The following NFIX variants were observed in gnomAD, a reference collection of about 807,000 sequenced individuals.
NFIX encodes the protein nuclear factor I X.
In NFIX, 2 loss-of-function variants were observed where a neutral mutation model predicts 53.3. That is an observed-to-expected ratio of 0.04 (90% CI 0.02 to 0.12). The LOEUF is 0.12. Ranked by LOEUF, NFIX falls within the 10% of genes least tolerant of loss-of-function variation. NFIX has a pLI of 1.00. For missense variants in NFIX, 310 were observed against 674.5 expected, an observed-to-expected ratio of 0.46 and a Z score of 5.99; for synonymous variants, 244 against 289.0, an observed-to-expected ratio of 0.84 and a Z score of 1.58.
Position 13,094,979 on chromosome 19 carries a change from C to A in NFIX, c.*330C>A. 3.3e-6 allele frequency: 1 copy of A among 305,380 alleles called. No homozygotes were observed. Among genetic ancestry groups the A allele is most frequent in the Non-Finnish European group, 6.2e-6 (1 of 162,326 alleles). The allele number at this position is 305,380 out of a possible 1,614,324, so 18.9% of individuals were successfully genotyped here. A position where few individuals can be genotyped will look rare whatever the true frequency, so the allele number is the denominator to read the frequency against. On this transcript the variant is annotated 3_prime_UTR_variant, in exon 11 of 11. Transcript: ENST00000592199. This position sits in a 1 kb window ranked among gnomAD's most constrained non-coding sequence, Gnocchi z 4.3. ...AGAACTGCCTTCCTCCCCCTGACCC[C>A]GCCCCGGCCTTCTGGGGAAGGAACA... is the stretch of plus-strand genomic sequence containing the variant.
chr19:13,018,093 TA>T (rs1362327020), intron 1 of NFIX, among the ~76,000 whole-genome samples: 9 of 152,070 alleles, frequency 5.9e-5, no homozygotes, highest in African/African-American at 1.9e-4. Context: ...AATTAAAGAG[TA>T]GGATTTTTGT....
rs535002028 is a variant in NFIX, at chr19:13,094,086, G to A, written c.1495-549G>A. On this transcript the variant is annotated intron_variant, in intron 10 of 10. Coordinates refer to ENST00000592199, the MANE Select transcript of NFIX (RefSeq NM_001365902.3). This position sits in a 1 kb window ranked among gnomAD's most constrained non-coding sequence, Gnocchi z 4.3. ...CTACGTGGCCCCTCCCCCAGGCCTG[G>A]CGCTACTAGGGACTGAAGCTGTGTG... 6.6e-6 allele frequency among the ~76,000 whole-genome samples: 1 copy of A among 152,306 alleles called. No individual in the cohort carries two copies. Among genetic ancestry groups the A allele is most frequent in the South Asian group, 2.1e-4 (1 of 4,828 alleles).
chr19:13,078,949 G>A lies in NFIX; in HGVS notation c.1078+214G>A, dbSNP rs1016488996. Among the ~76,000 whole-genome samples the A allele has an allele frequency of 6.6e-6, 1 of 152,236 alleles. No individual in the cohort carries two copies. The highest frequency in any genetic ancestry group is 2.4e-5 in the African/African-American group (1 of 41,464). The stretch of plus-strand genomic sequence containing the variant: ...GGCCGGGCCCCTGGGCTGCCCACCT[G>A]GCTCCTGAGCAACCTCCCACTTCTC... On this transcript the variant is annotated intron_variant, in intron 7 of 10. Transcript: ENST00000592199. The surrounding 1 kb of genome is among the most constrained non-coding windows in gnomAD (Gnocchi z 4.7).
rs1296086302 is a variant in NFIX, at chr19:13,001,594, A to G, written c.27+5730A>G. Among the ~76,000 whole-genome samples the G allele has an allele frequency of 6.6e-6, 1 of 152,140 alleles. No individual in the cohort carries two copies. Among genetic ancestry groups the G allele is most frequent in the Non-Finnish European group, 1.5e-5 (1 of 68,036 alleles). On this transcript the variant is annotated intron_variant, in intron 1 of 10. Transcript: ENST00000592199. The surrounding 1 kb of genome is among the most constrained non-coding windows in gnomAD (Gnocchi z 6.5). The stretch of plus-strand genomic sequence containing the variant: ...TTTCTGGGTGTCTGTGCGTCACGGC[A>G]AAGAGTGTATCCGTGTGTCTCACAC...
Position 13,095,887 on chromosome 19 carries a change from CTCTT to C in NFIX, c.*1240_*1243del, listed in dbSNP as rs2018418330. On this transcript the variant is annotated 3_prime_UTR_variant, in exon 11 of 11. Coordinates refer to ENST00000592199, the MANE Select transcript of NFIX (RefSeq NM_001365902.3). ...CTGGATTTTAGCTGTAATGTCTTTA[CTCTT>C]TATTTAGGGGTGGGGCATTCATTGT... The C allele has an allele frequency of 6.9e-6, 1 of 144,104 alleles. No individual in the cohort carries two copies. Among genetic ancestry groups the C allele is most frequent in the Non-Finnish European group, 1.5e-5 (1 of 66,180 alleles). The allele number at this position is 144,104 out of a possible 1,614,324, so 8.9% of individuals were successfully genotyped here.
rs1435247107 is a variant in NFIX, at chr19:13,045,963, C to T, written c.559+20411C>T. On this transcript the variant is annotated intron_variant, in intron 2 of 10. Transcript: ENST00000592199. This position sits in a 1 kb window ranked among gnomAD's most constrained non-coding sequence, Gnocchi z 4.4. ...AGAAATAGGAAGGGCTGACACTCTC[C>T]AGCTTCCATCTTGCAAGGACACAGG... is the stretch of plus-strand genomic sequence containing the variant. Among the ~76,000 whole-genome samples, 2 of 152,294 alleles carry T rather than the reference C, an allele frequency of 1.3e-5. No individual in the cohort carries two copies. The highest frequency in any genetic ancestry group is 1.9e-4 in the East Asian group (1 of 5,174).
Position 13,090,403 on chromosome 19 carries a change from G to A in NFIX, c.1494+13G>A, listed in dbSNP as rs1162244671. 6.2e-7 allele frequency: 1 copy of A among 1,612,160 alleles called. No homozygotes were observed. Among genetic ancestry groups the A allele is most frequent in the Non-Finnish European group, 8.5e-7 (1 of 1,178,352 alleles). ...ACAGCAGTCTCAGGTAGGAGACCCT[G>A]CCCACCACCTGGATGCAGGGACCAG... On this transcript the variant is annotated intron_variant, in intron 10 of 10. Coordinates refer to ENST00000592199, the MANE Select transcript of NFIX (RefSeq NM_001365902.3). The surrounding 1 kb of genome is among the most constrained non-coding windows in gnomAD (Gnocchi z 6.6).
At chr19:13,075,395 T>C (rs1414662301) in intron 5 of NFIX, 140 bp from the exon 6 acceptor site, 13 of 877,236 alleles carry the variant, frequency 1.5e-5, no homozygotes, top group Non-Finnish European at 2.2e-5. Context: ...ACGCAGTGAG[T>C]GCCCAGAAAT....
intron 6 of NFIX, among the ~76,000 whole-genome samples, chr19:13,076,973 C>T (rs750557949): frequency 8.5e-5 from 13 of 152,112 alleles, no homozygotes; most frequent in African/African-American, 2.2e-4. Context: ...AGGCTCTCCT[C>T]GTGGCAGGCA....
In NFIX at chr19:13,013,853, C is replaced by T. The variant is rs2012512946; in HGVS notation, c.28-11168C>T. The T allele has an allele frequency of 6.6e-6, 1 of 152,156 alleles. No homozygotes were observed. The highest frequency in any genetic ancestry group is 2.1e-4 in the South Asian group (1 of 4,832). The allele number at this position is 152,156 out of a possible 1,614,324, so 9.4% of individuals were successfully genotyped here. On this transcript the variant is annotated intron_variant, in intron 1 of 10. Coordinates refer to ENST00000592199, the MANE Select transcript of NFIX (RefSeq NM_001365902.3). The surrounding 1 kb of genome is among the most constrained non-coding windows in gnomAD (Gnocchi z 5.9). ...TCTAGTAGACCCTGGCGTGGGGCAC[C>T]TGAGATCTCCGCCACTGAAAAGGCG...
At chr19:13,058,953 A>G (rs961135046) in intron 2 of NFIX, among the ~76,000 whole-genome samples, 22 of 151,296 alleles carry the variant, frequency 1.5e-4, no homozygotes, top group Admixed American at 7.9e-4. Context: ...GTAGGTCCCC[A>G]CTCTTCCCCG....
At position 13,089,994 on chromosome 19, in the gene NFIX, C is replaced by T. The variant is rs1202880886; in HGVS notation, c.1403-305C>T. ...CTTGTCTCAGCCTCCAGGGCCTCTCCCTCATCCCAGCTGTGAAAAAGGATG... is the reference window on the plus strand; with the variant it reads ...CTTGTCTCAGCCTCCAGGGCCTCTCTCTCATCCCAGCTGTGAAAAAGGATG... On this transcript the variant is annotated intron_variant, in intron 9 of 10. Coordinates refer to ENST00000592199, the MANE Select transcript of NFIX (RefSeq NM_001365902.3). This position sits in a 1 kb window ranked among gnomAD's most constrained non-coding sequence, Gnocchi z 4.8. Among the ~76,000 whole-genome samples, 1 of 152,176 alleles carries T rather than the reference C, an allele frequency of 6.6e-6. No homozygotes were observed. Among genetic ancestry groups the T allele is most frequent in the African/African-American group, 2.4e-5 (1 of 41,432 alleles).
intron 2 of NFIX, among the ~76,000 whole-genome samples, chr19:13,031,358 G>T (rs2013791155): frequency 1.3e-5 from 2 of 152,038 alleles, no homozygotes; most frequent in African/African-American, 4.8e-5. Context: ...CATAATTATG[G>T]GCATGGTGAC....
intron 8 of NFIX, among the ~76,000 whole-genome samples, chr19:13,086,961 G>A (rs566547896): frequency 1.2e-4 from 18 of 152,336 alleles, no homozygotes; most frequent in Non-Finnish European, 2.1e-4. Context: ...TCTCGCATCC[G>A]GGTGCCCGGA....
chr19:13,046,473 C>A (rs553786052), intron 2 of NFIX, among the ~76,000 whole-genome samples: 10 of 152,224 alleles, frequency 6.6e-5, no homozygotes, highest in East Asian at 3.9e-4. Flanking sequence ...CTTCCCCCCC[C>A]CTCTTTTTTT....
In NFIX at chr19:13,030,033, G is replaced by A. The variant is rs553724823; in HGVS notation, c.559+4481G>A. 3.1e-4 allele frequency among the ~76,000 whole-genome samples: 47 copies of A among 152,274 alleles called. 2 individuals carry two copies. In the South Asian group the frequency reaches 8.3e-3, roughly 27 times the overall value. On this transcript the variant is annotated intron_variant, in intron 2 of 10. Coordinates refer to ENST00000592199, the MANE Select transcript of NFIX (RefSeq NM_001365902.3). ...GGGAGGGTCCACAGGAGCACCCGCC[G>A]CTTTCTCCAGGTCCACCCCCACCAT... is the stretch of plus-strand genomic sequence containing the variant.
At position 13,092,752 on chromosome 19, in the gene NFIX, G is replaced by A. The variant is rs139528188; in HGVS notation, c.1495-1883G>A. 6.6e-5 allele frequency among the ~76,000 whole-genome samples: 10 copies of A among 152,346 alleles called. No individual in the cohort carries two copies. The East Asian group carries it at 1.3e-3, about 21-fold the overall frequency. On this transcript the variant is annotated intron_variant, in intron 10 of 10. Transcript: ENST00000592199. ...CAGGTGGGGGTCACCCAGCCCAGGC[G>A]CTTCCCACCCCCGGGCCTGGGCCAG... is the stretch of plus-strand genomic sequence containing the variant.
At position 13,009,193 on chromosome 19, in the gene NFIX, T is replaced by C. The variant is rs1034095499; in HGVS notation, c.27+13329T>C. Among the ~76,000 whole-genome samples, 1 of 152,008 alleles carries C rather than the reference T, an allele frequency of 6.6e-6. No homozygotes were observed. The highest frequency in any genetic ancestry group is 2.4e-5 in the African/African-American group (1 of 41,376). ...CGCACACACACACACAGCGGCACAG[T>C]CGCACACACAGCCAGCCTCACGCGA... On this transcript the variant is annotated intron_variant, in intron 1 of 10. Coordinates refer to ENST00000592199, the MANE Select transcript of NFIX (RefSeq NM_001365902.3). This position sits in a 1 kb window ranked among gnomAD's most constrained non-coding sequence, Gnocchi z 4.7.
At chr19:13,087,941 CTG>C (rs913108746) in intron 8 of NFIX, 46 bp from the exon 9 acceptor site, 3 of 1,534,706 alleles carry the variant, frequency 2.0e-6, no homozygotes, top group African/African-American at 1.4e-5. Context: ...GAGCGTGTGT[CTG>C]TGTGTGATGT....
Sources: allele counts gnomAD v4.1 joint callset (sites outside exome capture counted in the v4.1 genomes callset), GRCh38; gene constraint gnomAD v4.1.1; non-coding constraint Gnocchi (gnomAD v3.1); transcripts MANE v1.5; gene names NCBI Gene and HGNC (gene_info 2026-07-23, HGNC 2026-07-21).